Variants in DENND5B observed in about 807,000 individuals in gnomAD.
DENND5B encodes the protein DENN domain-containing protein 5B.
A neutral mutation model predicts 140.6 loss-of-function variants in DENND5B; 34 were observed. The observed-to-expected ratio is 0.24, with a 90% confidence interval of 0.18 to 0.32. The LOEUF (loss-of-function observed/expected upper bound fraction) is 0.32, where lower values mean the gene tolerates loss of function less well. Ranked by LOEUF, DENND5B falls within the 10% of genes least tolerant of loss-of-function variation. The pLI is 1.00. For synonymous variants in DENND5B, 551 were observed against 562.1 expected (o/e 0.98, Z 0.28); for missense variants, 1,142 against 1,560.2 (o/e 0.73, Z 4.52).
chr12:31,513,480 C>G (rs1947504785), intron 1 of DENND5B, among the ~76,000 whole-genome samples: 1 of 152,182 alleles, frequency 6.6e-6, no homozygotes, highest in East Asian at 1.9e-4. Context: ...TCTCCATTTA[C>G]TAATTTATCT....
At chr12:31,471,461 A>AT (rs747862984) in intron 3 of DENND5B, among the ~76,000 whole-genome samples, 7,857 of 111,882 alleles carry the variant, frequency 0.07, 964 homozygotes, top group African/African-American at 0.2. Flanking sequence ...CCATGCCTGT[A>AT]TTTTTTTTTT....
At chr12:31,581,895 A>G (rs1472364928) in intron 1 of DENND5B, among the ~76,000 whole-genome samples, 2 of 152,186 alleles carry the variant, frequency 1.3e-5, no homozygotes, top group Middle Eastern at 3.2e-3. Flanking sequence ...GTACGTACAG[A>G]TAACATACGC....
At chr12:31,457,837 C>G (rs866750101) in intron 4 of DENND5B, among the ~76,000 whole-genome samples, 1 of 152,096 alleles carries the variant, frequency 6.6e-6, no homozygotes, top group African/African-American at 2.4e-5. Flanking sequence ...CCTCAGCCTC[C>G]CGAGTAGCTG....
At chr12:31,546,081 ATT>A (rs1010698308) in intron 1 of DENND5B, among the ~76,000 whole-genome samples, 47 of 151,388 alleles carry the variant, frequency 3.1e-4, no homozygotes, top group African/African-American at 9.2e-4. Context: ...CTTTCAAGTT[ATT>A]TTTTCTTTGC....
chr12:31,396,053 C>CCTGTT lies in DENND5B; in HGVS notation c.3256+2121_3256+2122insAACAG, dbSNP rs1399702795. 8.2e-3 allele frequency among the ~76,000 whole-genome samples: 839 copies of CCTGTT among 102,722 alleles called. 46 individuals are homozygous for CCTGTT. The highest frequency in any genetic ancestry group is 0.011 in the Non-Finnish European group (585 of 51,442). 67.4% of individuals were successfully genotyped at this position (102,722 alleles called of 152,430 possible). A position where few individuals can be genotyped will look rare whatever the true frequency, so the allele number is the denominator to read the frequency against. On this transcript the variant is annotated intron_variant, in intron 17 of 20. Transcript: ENST00000389082. ...TAGCTTCTGGTGGCTGTTGGCATTC[C>CCTGTT]TTGTTTTTTTTTTTTTTTTTTTTTT...
At chr12:31,516,350 C>T (rs1947645194) in intron 1 of DENND5B, among the ~76,000 whole-genome samples, 1 of 151,762 alleles carries the variant, frequency 6.6e-6, no homozygotes, top group Admixed American at 6.6e-5. Flanking sequence ...GTGGTGCACA[C>T]CTATAGTCCC....
chr12:31,422,627 T>C (rs1943081557), intron 11 of DENND5B, among the ~76,000 whole-genome samples: 1 of 152,136 alleles, frequency 6.6e-6, no homozygotes, highest in African/African-American at 2.4e-5. Flanking sequence ...TCCAAAGTCA[T>C]CCATACTTTT....
chr12:31,585,878 G>A (rs369865354), intron 1 of DENND5B, among the ~76,000 whole-genome samples: 107 of 152,142 alleles, frequency 7.0e-4, no homozygotes, highest in Non-Finnish European at 1.4e-3. Context: ...ATCAGACTTC[G>A]ACAACTATTA....
rs189023917 is a variant in DENND5B at position 31,407,192 on chromosome 12, G to A, written c.2803+2071C>T. On this transcript the variant is annotated intron_variant, in intron 14 of 20. Transcript: ENST00000389082. Reference sequence around the variant, plus strand: ...GTCGCCCAGGCTGGAGTGCAGTGGCGCAATCTCGGCTGACTGCAACCTCCG... The same window carrying A: ...GTCGCCCAGGCTGGAGTGCAGTGGCACAATCTCGGCTGACTGCAACCTCCG... Among the ~76,000 whole-genome samples the A allele has an allele frequency of 3.2e-3, 483 of 151,710 alleles. 1 individual carries two copies. Among genetic ancestry groups the A allele is most frequent in the African/African-American group, 0.011 (462 of 41,354 alleles).
chr12:31,560,264 T>C (rs1310405480), intron 1 of DENND5B, among the ~76,000 whole-genome samples: 1 of 152,228 alleles, frequency 6.6e-6, no homozygotes, highest in Non-Finnish European at 1.5e-5. Context: ...ACCCATACTA[T>C]GGTATTCTCC....
At chr12:31,563,545 G>A (rs529665747) in intron 1 of DENND5B, among the ~76,000 whole-genome samples, 53 of 152,236 alleles carry the variant, frequency 3.5e-4, no homozygotes, top group Middle Eastern at 3.4e-3. Context: ...GTGAACTCAA[G>A]TTACTATTCA....
intron 1 of DENND5B, among the ~76,000 whole-genome samples, chr12:31,507,747 T>G (rs1174234977): frequency 1.3e-5 from 2 of 152,208 alleles, no homozygotes; most frequent in Admixed American, 1.3e-4. Flanking sequence ...TAAATAATTT[T>G]TATTATTCTG....
rs117616591 is a variant in DENND5B at position 31,502,023 on chromosome 12, T to C, written c.128-6104A>G. Among the ~76,000 whole-genome samples the C allele has an allele frequency of 2.1e-4, 32 of 151,654 alleles. 1 individual carries two copies. In the East Asian group the frequency reaches 6.3e-3, roughly 30 times the overall value. On this transcript the variant is annotated intron_variant, in intron 1 of 20. Coordinates refer to ENST00000389082, the MANE Select transcript of DENND5B (RefSeq NM_144973.4). Reference sequence around the variant, plus strand: ...TTTAAGGTAAAAACACCAGCAACATTATATTCAATCTTGCCGGGCGCAGTG... The same window carrying C: ...TTTAAGGTAAAAACACCAGCAACATCATATTCAATCTTGCCGGGCGCAGTG...
At chr12:31,520,225 T>A (rs1947827045) in intron 1 of DENND5B, among the ~76,000 whole-genome samples, 1 of 152,234 alleles carries the variant, frequency 6.6e-6, no homozygotes, top group South Asian at 2.1e-4. Context: ...TGTGATAACA[T>A]CTACAAAAAT....
At position 31,417,108 on chromosome 12, in the gene DENND5B, G is replaced by A. The variant is rs1409772507; in HGVS notation, c.2471-1660C>T. Among the ~76,000 whole-genome samples the A allele has an allele frequency of 2.0e-5, 3 of 147,126 alleles. No individual in the cohort carries two copies. The Admixed American group carries it at 2.1e-4, about 10-fold the overall frequency. On this transcript the variant is annotated intron_variant, in intron 11 of 20. Coordinates refer to ENST00000389082, the MANE Select transcript of DENND5B (RefSeq NM_144973.4). ...GCTGTGGCTCACACCTGTAATCCCA[G>A]CACTTTGGGAGGCCGAGGCGGGCGG...
At chr12:31,499,622 A>G in intron 1 of DENND5B, 1 of 1,501,866 alleles carries the variant, frequency 6.7e-7, no homozygotes, top group South Asian at 1.3e-5. Context: ...TCGTATTTGC[A>G]GCACCTTGGC....
intron 1 of DENND5B, among the ~76,000 whole-genome samples, chr12:31,527,534 C>T (rs916019781): frequency 1.3e-5 from 2 of 152,132 alleles, no homozygotes; most frequent in Non-Finnish European, 2.9e-5. Flanking sequence ...AATCCCAGCA[C>T]TTTGGGAGGC....
chr12:31,451,976 C>G lies in DENND5B; in HGVS notation c.1593G>C (p.Trp531Cys), dbSNP rs1235958657. 6.2e-7 allele frequency: 1 copy of G among 1,613,258 alleles called. No homozygotes were observed. Among genetic ancestry groups the G allele is most frequent in the Non-Finnish European group, 8.5e-7 (1 of 1,179,810 alleles). The change falls in exon 5 of 21, where the codon TGG becomes TGC. Residue 531 changes from tryptophan (W) to cysteine (C), a missense_variant. Around this residue, in one of 5 missense-constraint regions of DENND5B, gnomAD observed 708 missense variants for 905.5 expected, o/e 0.78. Transcript: ENST00000389082. ...VIQTAQDMES[W>C]LTNREQMQNF... ...TCTGCATCTGTTCCCGGTTGGTCAG[C>G]CAGGATTCCATGTCCTGGGCAGTCT...
At chr12:31,392,811 T>C (rs1332718269) in intron 17 of DENND5B, 115 bp from the exon 18 acceptor site, 29 of 1,017,260 alleles carry the variant, frequency 2.9e-5, no homozygotes, top group Non-Finnish European at 3.9e-5. Context: ...CAGGCTGGCT[T>C]TGCCAGGGGC....
Sources: gnomAD v4.1 joint callset for allele counts (sites outside exome capture counted in the v4.1 genomes callset) on GRCh38, gnomAD v4.1.1 for gene constraint, gnomAD v4.1.1 regional missense constraint, MANE v1.5 for transcripts, NCBI Gene and HGNC (gene_info 2026-07-23, HGNC 2026-07-21) for gene names.